The following STK31 variants were observed in gnomAD, a reference collection of about 807,000 sequenced individuals.
STK31 encodes the protein serine/threonine-protein kinase 31.
Under a neutral mutation model 129.7 loss-of-function variants are expected in STK31, and 89 were observed. The ratio of observed to expected loss-of-function variants is 0.69; its 90% CI spans 0.58 to 0.82. The LOEUF (loss-of-function observed/expected upper bound fraction) is 0.82, where lower values mean the gene tolerates loss of function less well. Ranked by LOEUF, STK31 falls within the 40% of genes least tolerant of loss-of-function variation. The probability of loss-of-function intolerance (pLI) is 0.00; values close to 1 mark genes in which losing one functional copy is unlikely to be tolerated. For synonymous variants in STK31, 448 were observed against 395.3 expected (o/e 1.13, Z -1.58); for missense variants, 1,187 against 1,176.4 (o/e 1.01, Z -0.13).
At chr7:23,724,005 AG>A (rs1048390604) in intron 4 of STK31, among the ~76,000 whole-genome samples, 6 of 152,122 alleles carry the variant, frequency 3.9e-5, no homozygotes, top group Non-Finnish European at 7.3e-5. Context: ...TAGGAAGGGG[AG>A]GGGAACTCAA....
At chr7:23,765,200 A>G (rs1287283738) in intron 11 of STK31, among the ~76,000 whole-genome samples, 1 of 151,962 alleles carries the variant, frequency 6.6e-6, no homozygotes, top group East Asian at 1.9e-4. Context: ...GATTACAGGC[A>G]CACACCACCA....
At position 23,785,587 on chromosome 7, in the gene STK31, A is replaced by G. The variant is rs1361175205; in HGVS notation, c.2258A>G (p.Gln753Arg). The change falls in exon 18 of 24, where the codon CAG becomes CGG. Residue 753 changes from glutamine (Q) to arginine (R), a missense_variant. Gln to Arg is a conservative substitution (Grantham distance 43, BLOSUM62 1). Transcript: ENST00000355870. Reference protein sequence around the residue: ...RPLVRSEVNGQIILLKGYSVD... With the variant: ...RPLVRSEVNGRIILLKGYSVD... Reference sequence around the variant, plus strand: ...TTGGTACGTTCTGAGGTTAATGGGCAGATAATTCTGTTAAAGGTAAGTCTA... The same window carrying G: ...TTGGTACGTTCTGAGGTTAATGGGCGGATAATTCTGTTAAAGGTAAGTCTA... 1 of 1,613,136 alleles carries G rather than the reference A, an allele frequency of 6.2e-7. No homozygotes were observed. Among genetic ancestry groups the G allele is most frequent in the Non-Finnish European group, 8.5e-7 (1 of 1,179,282 alleles).
chr7:23,786,729 G>T (rs1791304750), intron 19 of STK31, 96 bp downstream of exon 19: 1 of 1,546,456 alleles, frequency 6.5e-7, no homozygotes, highest in African/African-American at 1.4e-5. Flanking sequence ...TAGAGCAGCA[G>T]TTCATTCCCC....
chr7:23,766,770 C>T (rs1212166741), intron 11 of STK31, among the ~76,000 whole-genome samples: 2 of 152,164 alleles, frequency 1.3e-5, no homozygotes, highest in African/African-American at 4.8e-5. Flanking sequence ...TTCTCTCCCC[C>T]ATTAATTTTT....
At chr7:23,747,410 C>T (rs1788424766) in intron 8 of STK31, among the ~76,000 whole-genome samples, 2 of 152,072 alleles carry the variant, frequency 1.3e-5, no homozygotes, top group African/African-American at 4.8e-5. Flanking sequence ...CACTCTGTTG[C>T]CCAGGCTGGA....
chr7:23,723,792 G>C (rs1786877136), intron 4 of STK31, among the ~76,000 whole-genome samples: 2 of 152,088 alleles, frequency 1.3e-5, no homozygotes, highest in Non-Finnish European at 2.9e-5. Context: ...TACATGTTTT[G>C]GTGGTTGTAT....
chr7:23,711,648 A>G (rs1785970844), intron 1 of STK31, among the ~76,000 whole-genome samples: 1 of 152,182 alleles, frequency 6.6e-6, no homozygotes, highest in African/African-American at 2.4e-5. Context: ...ATCCCACGGA[A>G]TCTTCAAAAA....
chr7:23,721,850 C>T (rs1260015394), intron 4 of STK31: 2 of 489,934 alleles, frequency 4.1e-6, no homozygotes, highest in African/African-American at 2.0e-5. Flanking sequence ...GATACCCTTT[C>T]TTCCACTTGA....
chr7:23,724,725 G>C (rs1197584578), intron 4 of STK31, among the ~76,000 whole-genome samples: 2 of 152,188 alleles, frequency 1.3e-5, no homozygotes, highest in Non-Finnish European at 2.9e-5. Context: ...GGTTGAGAGA[G>C]AGTACCGTAC....
intron 5 of STK31, among the ~76,000 whole-genome samples, chr7:23,728,873 A>G (rs1787235619): frequency 6.6e-6 from 1 of 152,222 alleles, no homozygotes; most frequent in South Asian, 2.1e-4. Flanking sequence ...TTGGAATTTA[A>G]CTAGTAACAA....
chr7:23,786,813 T>A, intron 19 of STK31, 25 bp from the exon 20 acceptor site: 1 of 1,597,232 alleles, frequency 6.3e-7, no homozygotes. Flanking sequence ...TTACTTGGAG[T>A]CACATTCTCT....
At chr7:23,740,103 G>T (rs186028950) in intron 8 of STK31, among the ~76,000 whole-genome samples, 1 of 152,080 alleles carries the variant, frequency 6.6e-6, no homozygotes, top group Non-Finnish European at 1.5e-5. Context: ...TCCTGTCCAC[G>T]AGCATGGAAT....
intron 15 of STK31, 116 bp downstream of exon 15, chr7:23,772,394 C>T (rs912233935): frequency 5.5e-6 from 6 of 1,099,108 alleles, no homozygotes; most frequent in Non-Finnish European, 5.1e-6. Flanking sequence ...ATTACATTCA[C>T]ATTTTGTTTT....
chr7:23,804,078 TTTTA>T (rs1285614204), intron 22 of STK31, among the ~76,000 whole-genome samples: 2 of 151,998 alleles, frequency 1.3e-5, no homozygotes, highest in East Asian at 1.9e-4. Context: ...CTTTGTTTAT[TTTTA>T]TTTATTTATT....
intron 4 of STK31, among the ~76,000 whole-genome samples, chr7:23,718,238 T>C (rs1248246570): frequency 6.6e-6 from 1 of 152,188 alleles, no homozygotes. Context: ...ATTAAGTAAG[T>C]ATGCAGTGGT....
chr7:23,710,189 C>T (rs1178703056), upstream of STK31: 10 of 1,594,914 alleles, frequency 6.3e-6, no homozygotes, highest in African/African-American at 1.3e-5. Context: ...TGGCGCAGCG[C>T]TGTGCACGCA....
intron 22 of STK31, among the ~76,000 whole-genome samples, chr7:23,796,355 GT>G (rs34355493): frequency 1.4e-4 from 21 of 149,128 alleles, no homozygotes; most frequent in East Asian, 5.9e-4. Context: ...AACATATCAA[GT>G]TTTTTTTTTT....
At chr7:23,744,372 A>T in intron 8 of STK31, among the ~76,000 whole-genome samples, 2 of 142,876 alleles carry the variant, frequency 1.4e-5, no homozygotes, top group African/African-American at 2.6e-5. Context: ...TCTTTATATT[A>T]TTTTTCAGAA....
intron 8 of STK31, among the ~76,000 whole-genome samples, chr7:23,740,348 G>T (rs1787984550): frequency 6.6e-6 from 1 of 151,948 alleles, no homozygotes; most frequent in African/African-American, 2.4e-5. Flanking sequence ...ATTAGCTTCT[G>T]TGTCCTTTTG....
Sources: allele counts gnomAD v4.1 joint callset (sites outside exome capture counted in the v4.1 genomes callset), GRCh38; gene constraint gnomAD v4.1.1; transcripts MANE v1.5; gene names NCBI Gene and HGNC (gene_info 2026-07-23, HGNC 2026-07-21).